FAM91A1: variants seen among roughly 807,000 people sequenced by gnomAD.
FAM91A1 encodes the protein protein FAM91A1.
Under a neutral mutation model 113.5 loss-of-function variants are expected in FAM91A1, and 41 were observed. The ratio of observed to expected loss-of-function variants is 0.36; its 90% CI spans 0.28 to 0.47. FAM91A1 has a LOEUF of 0.47. Among genes scored for constraint, FAM91A1 ranks in the 20% least tolerant of loss-of-function variants. The probability of loss-of-function intolerance (pLI) is 1.00; values close to 1 mark genes in which losing one functional copy is unlikely to be tolerated. For missense variants in FAM91A1, 696 were observed against 1,001.2 expected, an observed-to-expected ratio of 0.70 and a Z score of 4.11; for synonymous variants, 307 against 347.9, an observed-to-expected ratio of 0.88 and a Z score of 1.31.
chr8:123,815,391 A>C lies in FAM91A1; in HGVS notation c.*2687A>C, dbSNP rs1043171756. 2 of 152,564 alleles carry C rather than the reference A, an allele frequency of 1.3e-5. No individual in the cohort carries two copies. The highest frequency in any genetic ancestry group is 1.3e-4 in the Admixed American group (2 of 15,268). 9.5% of individuals were successfully genotyped at this position (152,564 alleles called of 1,614,324 possible). On this transcript the variant is annotated 3_prime_UTR_variant, in exon 24 of 24. Transcript: ENST00000334705. The stretch of plus-strand genomic sequence containing the variant: ...AAATCTATAAAGTGTTGTCAATTTG[A>C]TTATTGACACATATAACATGTTTAC...
intron 6 of FAM91A1, among the ~76,000 whole-genome samples, chr8:123,779,288 A>T (rs954595532): frequency 6.6e-6 from 1 of 152,112 alleles, no homozygotes; most frequent in Non-Finnish European, 1.5e-5. Context: ...TGAAACTTGT[A>T]CTCTTAATCA....
intron 1 of FAM91A1, among the ~76,000 whole-genome samples, chr8:123,769,034 A>G (rs1814776088): frequency 6.6e-6 from 1 of 152,182 alleles, no homozygotes. Context: ...CGCAGGATAC[A>G]TTCAGCCAGG....
In FAM91A1 at chr8:123,805,277, T is replaced by A; in HGVS notation, c.1820T>A (p.Leu607Gln). The change falls in exon 19 of 24, where the codon CTG becomes CAG. Residue 607 changes from leucine to glutamine, a missense_variant. By Grantham distance (113) the Leu-to-Gln change is moderately radical. Coordinates refer to ENST00000334705, the MANE Select transcript of FAM91A1 (RefSeq NM_144963.4). ...TTTGTTTATGTTTAGGGGCATGGTC[T>A]GCATGGGATAGGAGAAACTGTCCAT... is the stretch of plus-strand genomic sequence containing the variant. ...HSAVLIQGHG[L>Q]HGIGETVHVP... is the part of the protein sequence containing the mutation. The A allele has an allele frequency of 6.2e-7, 1 of 1,612,056 alleles. No individual in the cohort carries two copies. Among genetic ancestry groups the A allele is most frequent in the Non-Finnish European group, 8.5e-7 (1 of 1,179,018 alleles).
At chr8:123,782,723 C>A (rs1815154358) in intron 8 of FAM91A1, among the ~76,000 whole-genome samples, 1 of 152,120 alleles carries the variant, frequency 6.6e-6, no homozygotes, top group Admixed American at 6.5e-5. Context: ...ACTTATTTTT[C>A]TTCTCTTTGG....
At chr8:123,808,247 A>G in intron 20 of FAM91A1, 25 bp from the exon 21 acceptor site, 1 of 1,586,144 alleles carries the variant, frequency 6.3e-7, no homozygotes, top group South Asian at 1.1e-5. Context: ...GAATCCTAAT[A>G]TTGTGTATGC....
At chr8:123,807,480 CAA>C (rs546080328) in intron 20 of FAM91A1, among the ~76,000 whole-genome samples, 1 of 58,952 alleles carries the variant, frequency 1.7e-5, no homozygotes. Flanking sequence ...CCTGTCTCTA[CAA>C]AAAAAAAAAA....
intron 15 of FAM91A1, among the ~76,000 whole-genome samples, chr8:123,794,133 T>C (rs1357050098): frequency 2.0e-5 from 3 of 152,228 alleles, no homozygotes; most frequent in Non-Finnish European, 2.9e-5. Flanking sequence ...CGTTATACAG[T>C]TGACAAGTGA....
In FAM91A1 at chr8:123,814,212, C is replaced by G. The variant is rs749009606; in HGVS notation, c.*1508C>G. 1 of 377,638 alleles carries G rather than the reference C, an allele frequency of 2.6e-6. No homozygotes were observed. The highest frequency in any genetic ancestry group is 2.2e-5 in the African/African-American group (1 of 44,810). The allele number at this position is 377,638 out of a possible 1,614,324, so 23.4% of individuals were successfully genotyped here. Reference sequence around the variant, plus strand: ...ATGTTTGTCTATAAAAGAAAAAATACTAATATTAAATAATTTCTTACGACT... The same window carrying G: ...ATGTTTGTCTATAAAAGAAAAAATAGTAATATTAAATAATTTCTTACGACT... On this transcript the variant is annotated 3_prime_UTR_variant, in exon 24 of 24. Coordinates refer to ENST00000334705, the MANE Select transcript of FAM91A1 (RefSeq NM_144963.4).
chr8:123,797,628 C>T (rs1340496731), intron 15 of FAM91A1, among the ~76,000 whole-genome samples: 2 of 152,052 alleles, frequency 1.3e-5, no homozygotes, highest in African/African-American at 4.8e-5. Context: ...GTACATATAA[C>T]ATATAAAATA....
chr8:123,774,175 C>T lies in FAM91A1; in HGVS notation c.157+11C>T, dbSNP rs1305032562. On this transcript the variant is annotated intron_variant, in intron 2 of 23. Coordinates refer to ENST00000334705, the MANE Select transcript of FAM91A1 (RefSeq NM_144963.4). ...ATAGAAATAACTTAGGTAAGTAGAG[C>T]CATGTTTATATTGGGGTGGAACTGA... 2 of 1,596,792 alleles carry T rather than the reference C, an allele frequency of 1.3e-6. No homozygotes were observed. Among genetic ancestry groups the T allele is most frequent in the Non-Finnish European group, 1.7e-6 (2 of 1,170,932 alleles).
intron 6 of FAM91A1, among the ~76,000 whole-genome samples, chr8:123,779,323 T>C (rs181666601): frequency 1.3e-5 from 2 of 152,240 alleles, no homozygotes; most frequent in Admixed American, 1.3e-4. Flanking sequence ...TGTACTGAAG[T>C]GATAGGTGCT....
chr8:123,800,574 C>T (rs1815648923), intron 18 of FAM91A1, among the ~76,000 whole-genome samples: 1 of 152,052 alleles, frequency 6.6e-6, no homozygotes, highest in Admixed American at 6.6e-5. Flanking sequence ...TTAGTGTGTT[C>T]ACAGATATGT....
At chr8:123,784,642 G>A in intron 9 of FAM91A1, 66 bp downstream of exon 9, 4 of 1,176,510 alleles carry the variant, frequency 3.4e-6, no homozygotes, top group Middle Eastern at 2.0e-4. Context: ...AGTAAGTAAA[G>A]TTATTTAATA....
intron 1 of FAM91A1, 84 bp downstream of exon 1, chr8:123,768,858 C>A (rs113938868): frequency 2.9e-6 from 4 of 1,377,224 alleles, no homozygotes; most frequent in Non-Finnish European, 4.1e-6. Flanking sequence ...GGGGCCCGAG[C>A]GGGCTGCTGC....
intron 9 of FAM91A1, 73 bp from the exon 10 acceptor site, chr8:123,785,008 T>A: frequency 9.1e-7 from 1 of 1,100,370 alleles, no homozygotes; most frequent in Non-Finnish European, 1.3e-6. Context: ...TATGATTATA[T>A]TGGTCTATTA....
intron 5 of FAM91A1, 47 bp from the exon 6 acceptor site, chr8:123,778,612 A>G (rs985717894): frequency 1.6e-6 from 2 of 1,267,688 alleles, no homozygotes; most frequent in African/African-American, 2.9e-5. Flanking sequence ...GAAAGAAGAA[A>G]GTGGTAGTTT....
intron 1 of FAM91A1, among the ~76,000 whole-genome samples, chr8:123,773,515 C>T (rs1435735709): frequency 6.6e-6 from 1 of 152,162 alleles, no homozygotes; most frequent in Non-Finnish European, 1.5e-5. Flanking sequence ...AAAAATGGCT[C>T]CGAATTCTAA....
rs1815007713 is a variant in FAM91A1 at position 123,777,245 on chromosome 8, A to G, written c.310-20A>G. On this transcript the variant is annotated intron_variant, in intron 3 of 23. Coordinates refer to ENST00000334705, the MANE Select transcript of FAM91A1 (RefSeq NM_144963.4). ...AAGGACATTTTAGATTTCAAATTTAAATTTTTTTCTTTTTAAAAGGATATT... is the reference window on the plus strand; with the variant it reads ...AAGGACATTTTAGATTTCAAATTTAGATTTTTTTCTTTTTAAAAGGATATT... 3 of 1,530,110 alleles carry G rather than the reference A, an allele frequency of 2.0e-6. No homozygotes were observed. Among genetic ancestry groups the G allele is most frequent in the Middle Eastern group, 1.7e-4 (1 of 5,820 alleles). The allele number at this position is 1,530,110 out of a possible 1,614,324, so 94.8% of individuals were successfully genotyped here.
chr8:123,797,598 T>C (rs1815559945), intron 15 of FAM91A1, among the ~76,000 whole-genome samples: 1 of 152,260 alleles, frequency 6.6e-6, no homozygotes, highest in Admixed American at 6.5e-5. Flanking sequence ...TCTAGTTTTA[T>C]TGTAAGAATA....
Sources: allele counts gnomAD v4.1 joint callset (sites outside exome capture counted in the v4.1 genomes callset), GRCh38; gene constraint gnomAD v4.1.1; transcripts MANE v1.5; gene names NCBI Gene and HGNC (gene_info 2026-07-23, HGNC 2026-07-21).